The following LINGO2 variants were observed in gnomAD, a reference collection of about 807,000 sequenced individuals.
The protein encoded by LINGO2 is leucine rich repeat and Ig domain containing 2.
LINGO2 carries 14 observed loss-of-function variants against 30.6 expected under a neutral mutation model. The ratio of observed to expected loss-of-function variants is 0.46; its 90% CI spans 0.30 to 0.72. The LOEUF (loss-of-function observed/expected upper bound fraction) is 0.72, where lower values mean the gene tolerates loss of function less well. LINGO2 is among the 30% of genes least tolerant of loss of function. The pLI is 0.07. For missense variants in LINGO2, 729 were observed against 751.7 expected (o/e 0.97, Z 0.35); for synonymous variants, 317 against 288.5 (o/e 1.10, Z -1.00).
intron 2 of LINGO2, among the ~76,000 whole-genome samples, chr9:28,431,867 T>C (rs1014767085): frequency 6.6e-6 from 1 of 151,778 alleles, no homozygotes. Context: ...ATTCATTCTC[T>C]GTCTCCAACA....
chr9:28,098,510 T>C (rs984909577), intron 4 of LINGO2, among the ~76,000 whole-genome samples: 1 of 152,180 alleles, frequency 6.6e-6, no homozygotes, highest in African/African-American at 2.4e-5. Flanking sequence ...TCAGATTATA[T>C]ACTTCTTAGC....
At chr9:28,244,186 C>T (rs906020551) in intron 4 of LINGO2, among the ~76,000 whole-genome samples, 1 of 152,168 alleles carries the variant, frequency 6.6e-6, no homozygotes, top group African/African-American at 2.4e-5. Context: ...GAAAACCACA[C>T]AATTACATGG....
chr9:28,526,654 T>A (rs75084111), intron 1 of LINGO2, among the ~76,000 whole-genome samples: 2,022 of 152,284 alleles, frequency 0.013, 31 homozygotes, highest in Non-Finnish European at 0.018. Flanking sequence ...TGAAAATACC[T>A]GTGTTTCTAA....
intron 4 of LINGO2, among the ~76,000 whole-genome samples, chr9:28,267,235 A>G (rs898405939): frequency 2.0e-5 from 3 of 151,990 alleles, no homozygotes; most frequent in African/African-American, 7.2e-5. Context: ...TGTTCTTGTT[A>G]AAGTGTTTAA....
At chr9:28,905,201 G>A in the LINGO2 span, among the ~76,000 whole-genome samples, 6 of 150,414 alleles carry the variant, frequency 4.0e-5, no homozygotes, top group South Asian at 8.4e-4. Flanking sequence ...GAAGCTCCAC[G>A]CCATTGGTCT....
At chr9:28,022,240 G>T (rs1448648272) in intron 4 of LINGO2, among the ~76,000 whole-genome samples, 1 of 151,954 alleles carries the variant, frequency 6.6e-6, no homozygotes, top group African/African-American at 2.4e-5. Flanking sequence ...GAATATCCTT[G>T]AAATTTCTCC....
At chr9:28,493,218 C>G (rs1051368699) in intron 1 of LINGO2, among the ~76,000 whole-genome samples, 2 of 151,794 alleles carry the variant, frequency 1.3e-5, no homozygotes, top group African/African-American at 4.8e-5. Flanking sequence ...TGAGGCTTTG[C>G]CTTTTTGTCC....
the LINGO2 span, among the ~76,000 whole-genome samples, chr9:28,755,794 G>A: frequency 1.3e-5 from 2 of 152,032 alleles, no homozygotes; most frequent in Non-Finnish European, 2.9e-5. Flanking sequence ...CTCCGTGTCT[G>A]CAGTAAAGGT....
chr9:28,692,852 A>C, the LINGO2 span, among the ~76,000 whole-genome samples: 1 of 152,158 alleles, frequency 6.6e-6, no homozygotes, highest in Admixed American at 6.6e-5. Flanking sequence ...ACATATTCAG[A>C]ATATATATTG....
chr9:28,803,743 A>T, the LINGO2 span, among the ~76,000 whole-genome samples: 1 of 152,022 alleles, frequency 6.6e-6, no homozygotes, highest in South Asian at 2.1e-4. Flanking sequence ...AAAATCATAA[A>T]TACTCTGTGA....
intron 4 of LINGO2, among the ~76,000 whole-genome samples, chr9:28,024,620 A>G (rs944650): frequency 1 from 151,891 of 152,268 alleles, 75,760 homozygotes; most frequent in Middle Eastern, 1. Flanking sequence ...TTCCTTTATC[A>G]TGCCTCCAAC....
At chr9:28,314,436 C>G (rs1824758423) in intron 3 of LINGO2, among the ~76,000 whole-genome samples, 1 of 152,170 alleles carries the variant, frequency 6.6e-6, no homozygotes, top group Admixed American at 6.5e-5. Context: ...ACCCTGTACT[C>G]TAACACCTTC....
chr9:28,750,013 G>A, the LINGO2 span, among the ~76,000 whole-genome samples: 1 of 152,220 alleles, frequency 6.6e-6, no homozygotes, highest in African/African-American at 2.4e-5. Context: ...TAGAATAAAT[G>A]GGAAGCTCTT....
the LINGO2 span, among the ~76,000 whole-genome samples, chr9:28,866,717 T>C: frequency 6.6e-6 from 1 of 152,178 alleles, no homozygotes; most frequent in Non-Finnish European, 1.5e-5. Context: ...AAATCACTAA[T>C]GTGAGCATGA....
At chr9:28,218,165 C>T (rs1236399383) in intron 4 of LINGO2, among the ~76,000 whole-genome samples, 1 of 148,940 alleles carries the variant, frequency 6.7e-6, no homozygotes, top group Non-Finnish European at 1.5e-5. Context: ...TCAAATAATA[C>T]TAAATATAGT....
At chr9:28,191,028 C>A (rs543347570) in intron 4 of LINGO2, among the ~76,000 whole-genome samples, 1 of 152,188 alleles carries the variant, frequency 6.6e-6, no homozygotes, top group East Asian at 1.9e-4. Flanking sequence ...ATTTTGAAGG[C>A]AGTATGTCTT....
chr9:28,320,859 T>C (rs890065532), intron 3 of LINGO2, among the ~76,000 whole-genome samples: 2 of 152,142 alleles, frequency 1.3e-5, no homozygotes, highest in Admixed American at 6.6e-5. Context: ...TGTTTTATCA[T>C]GGCAGGACAC....
chr9:27,953,963 G>A (rs1819442604), intron 5 of LINGO2, among the ~76,000 whole-genome samples: 1 of 151,996 alleles, frequency 6.6e-6, no homozygotes, highest in South Asian at 2.1e-4. Flanking sequence ...GAGGTGGTGG[G>A]ATTAATGGTG....
At chr9:28,099,234 C>T (rs951460405) in intron 4 of LINGO2, among the ~76,000 whole-genome samples, 1 of 152,062 alleles carries the variant, frequency 6.6e-6, no homozygotes, top group Admixed American at 6.6e-5. Flanking sequence ...CTGGGACTGA[C>T]TATCAGTGGA....
Sources: allele counts gnomAD v4.1 joint callset (sites outside exome capture counted in the v4.1 genomes callset), GRCh38; gene constraint gnomAD v4.1.1; transcripts MANE v1.5; gene names NCBI Gene and HGNC (gene_info 2026-07-23, HGNC 2026-07-21).